SLC7A2: variants seen among roughly 807,000 people sequenced by gnomAD.
SLC7A2 encodes cationic amino acid transporter 2.
In SLC7A2, 48 loss-of-function variants were observed where a neutral mutation model predicts 58.9. The ratio of observed to expected loss-of-function variants is 0.82; its 90% CI spans 0.65 to 1.04. SLC7A2 has a LOEUF of 1.04. Ranked by LOEUF, SLC7A2 falls within the 50% of genes least tolerant of loss-of-function variation. SLC7A2 has a pLI of 0.00. For missense variants in SLC7A2, 1,029 were observed against 818.8 expected, an observed-to-expected ratio of 1.26 and a Z score of -3.13; for synonymous variants, 363 against 314.5, an observed-to-expected ratio of 1.15 and a Z score of -1.63.
intron 8 of SLC7A2, among the ~76,000 whole-genome samples, chr8:17,557,521 T>C (rs1305068006): frequency 6.6e-6 from 1 of 152,174 alleles, no homozygotes; most frequent in Non-Finnish European, 1.5e-5. Flanking sequence ...CTTTATTTTA[T>C]CAGAATTACT....
At chr8:17,547,786 GTGT>G (rs1802246042) in intron 4 of SLC7A2, among the ~76,000 whole-genome samples, 1 of 2,920 alleles carries the variant, frequency 3.4e-4, no homozygotes, top group African/African-American at 4.9e-4. Context: ...GCACAAAAGA[GTGT>G]GTGTGTGTGT....
chr8:17,563,772 C>A, intron 12 of SLC7A2, 61 bp downstream of exon 12: 1 of 908,510 alleles, frequency 1.1e-6, no homozygotes, highest in Non-Finnish European at 1.8e-6. Flanking sequence ...GAGAAACATG[C>A]CCTCTCCCCC....
intron 2 of SLC7A2, among the ~76,000 whole-genome samples, chr8:17,519,157 A>G (rs73666178): frequency 0.073 from 11,133 of 152,232 alleles, 1,408 homozygotes; most frequent in African/African-American, 0.25. Flanking sequence ...ACAAGCAGCT[A>G]GTACTTAACC....
chr8:17,497,003 G>C (rs1799976770), upstream of SLC7A2: 1 of 150,112 alleles, frequency 6.7e-6, no homozygotes, highest in Non-Finnish European at 1.5e-5. Context: ...CGCGTTCCGG[G>C]AGCGCGGAGG....
At chr8:17,553,722 G>A (rs569333913) in intron 7 of SLC7A2, among the ~76,000 whole-genome samples, 13 of 152,288 alleles carry the variant, frequency 8.5e-5, no homozygotes, top group African/African-American at 3.1e-4. Context: ...AGGGCACAGT[G>A]AGCTATGATC....
In SLC7A2 at chr8:17,517,596, A is replaced by G. The variant is rs985395117; in HGVS notation, c.-23+15294A>G. On this transcript the variant is annotated intron_variant, in intron 2 of 12. Transcript: ENST00000494857. ...TGTTGGAATTTTTAATACAGACTTA[A>G]GTCCTGATGCTTATCTAGTATCTTT... is the stretch of plus-strand genomic sequence containing the variant. Among the ~76,000 whole-genome samples, 7 of 151,566 alleles carry G rather than the reference A, an allele frequency of 4.6e-5. No individual in the cohort carries two copies. The Admixed American group carries it at 4.6e-4, about 10-fold the overall frequency.
At chr8:17,556,982 T>C (rs1013158684) in intron 8 of SLC7A2, among the ~76,000 whole-genome samples, 46 of 152,188 alleles carry the variant, frequency 3.0e-4, no homozygotes, top group African/African-American at 1.1e-3. Context: ...ATGGGGCTGT[T>C]GGATAAGGGG....
intron 6 of SLC7A2, among the ~76,000 whole-genome samples, chr8:17,551,312 T>C (rs188063068): frequency 4.5e-4 from 68 of 152,296 alleles, no homozygotes; most frequent in Non-Finnish European, 2.5e-4. Flanking sequence ...GTAAAACAGA[T>C]GGATCAGCTG....
chr8:17,524,354 C>T lies in SLC7A2; in HGVS notation c.-22-18964C>T, dbSNP rs533397091. The stretch of plus-strand genomic sequence containing the variant: ...CAATTGCAAAAATGTGGAATCAGCT[C>T]AAAAATCCCATCAATCAACAAGTAT... On this transcript the variant is annotated intron_variant, in intron 2 of 12. Transcript: ENST00000494857. Among the ~76,000 whole-genome samples the T allele has an allele frequency of 7.2e-5, 11 of 151,776 alleles. No individual in the cohort carries two copies. In the East Asian group the frequency reaches 2.1e-3, roughly 30 times the overall value.
At chr8:17,545,833 T>A (rs946232922) in intron 4 of SLC7A2, among the ~76,000 whole-genome samples, 14 of 152,192 alleles carry the variant, frequency 9.2e-5, no homozygotes, top group Non-Finnish European at 1.6e-4. Flanking sequence ...TGCTTTCTTG[T>A]CCGACCTTAT....
chr8:17,504,299 T>C lies in SLC7A2; in HGVS notation c.-23+1997T>C, dbSNP rs139818014. On this transcript the variant is annotated intron_variant, in intron 2 of 12. Coordinates refer to ENST00000494857, the MANE Select transcript of SLC7A2 (RefSeq NM_001370338.1). Reference sequence around the variant, plus strand: ...ATTGAGGCCGGTGGTAAATGAGATCTTGTGGCTCTCCTGGACCACTGGTCA... The same window carrying C: ...ATTGAGGCCGGTGGTAAATGAGATCCTGTGGCTCTCCTGGACCACTGGTCA... Among the ~76,000 whole-genome samples, 548 of 152,336 alleles carry C rather than the reference T, an allele frequency of 3.6e-3. 3 individuals are homozygous for C. The highest frequency in any genetic ancestry group is 0.013 in the African/African-American group (525 of 41,572).
intron 1 of SLC7A2, among the ~76,000 whole-genome samples, chr8:17,498,099 A>G (rs1019809420): frequency 6.6e-6 from 1 of 152,220 alleles, no homozygotes; most frequent in African/African-American, 2.4e-5. Flanking sequence ...TTCAAGAGAA[A>G]AAGTACTCAG....
At chr8:17,551,630 A>G (rs188320134) in intron 6 of SLC7A2, 134 bp from the exon 7 acceptor site, 1 of 689,036 alleles carries the variant, frequency 1.5e-6, no homozygotes, top group African/African-American at 1.8e-5. Flanking sequence ...AATAAAATAG[A>G]TGGACCAAGA....
chr8:17,520,059 T>A (rs998710574), intron 2 of SLC7A2, among the ~76,000 whole-genome samples: 3 of 152,178 alleles, frequency 2.0e-5, no homozygotes, highest in Non-Finnish European at 4.4e-5. Flanking sequence ...AAAGCTATAT[T>A]ATAGTTAGTT....
At chr8:17,522,381 A>G (rs931444032) in intron 2 of SLC7A2, among the ~76,000 whole-genome samples, 60 of 152,120 alleles carry the variant, frequency 3.9e-4, no homozygotes, top group African/African-American at 1.4e-3. Flanking sequence ...ATTCAAGATG[A>G]GATTTGGGTG....
In SLC7A2 at chr8:17,566,390, AG is replaced by A. The variant is rs1215305309; in HGVS notation, c.*1247del. ...GTTAAATGGCAAATGGCCCAATTTA[AG>A]GGCTTTGGATCTAATTTGCCTCTGA... On this transcript the variant is annotated 3_prime_UTR_variant, in exon 13 of 13. Coordinates refer to ENST00000494857, the MANE Select transcript of SLC7A2 (RefSeq NM_001370338.1). The A allele has an allele frequency of 6.6e-6, 1 of 152,184 alleles. No homozygotes were observed. Among genetic ancestry groups the A allele is most frequent in the African/African-American group, 2.4e-5 (1 of 41,462 alleles). 9.4% of individuals were successfully genotyped at this position (152,184 alleles called of 1,614,324 possible).
chr8:17,553,901 G>A lies in SLC7A2; in HGVS notation c.1056-659G>A, dbSNP rs143430678. Reference sequence around the variant, plus strand: ...GCAGCTAGTAAACAAAAGTACTTCCGAACATCTCAAGCAAAAACTGTCTTA... The same window carrying A: ...GCAGCTAGTAAACAAAAGTACTTCCAAACATCTCAAGCAAAAACTGTCTTA... On this transcript the variant is annotated intron_variant, in intron 7 of 12. Coordinates refer to ENST00000494857, the MANE Select transcript of SLC7A2 (RefSeq NM_001370338.1). Among the ~76,000 whole-genome samples the A allele has an allele frequency of 1.4e-3, 211 of 152,194 alleles. 3 individuals carry two copies. The East Asian group carries it at 0.037, about 27-fold the overall frequency.
At chr8:17,562,588 C>A (rs1252444234) in intron 11 of SLC7A2, among the ~76,000 whole-genome samples, 1 of 152,132 alleles carries the variant, frequency 6.6e-6, no homozygotes, top group Non-Finnish European at 1.5e-5. Flanking sequence ...ATCCACCTGC[C>A]TCAACAACTT....
Position 17,551,995 on chromosome 8 carries a change from C to T in SLC7A2, c.1055+9C>T. Reference sequence around the variant, plus strand: ...TGCGCCTTGTCAACAAGGTACATTGCATCGCCTTTGGGGCACGGGCTGTTT... The same window carrying T: ...TGCGCCTTGTCAACAAGGTACATTGTATCGCCTTTGGGGCACGGGCTGTTT... On this transcript the variant is annotated intron_variant, in intron 7 of 12. Coordinates refer to ENST00000494857, the MANE Select transcript of SLC7A2 (RefSeq NM_001370338.1). 1 of 1,612,224 alleles carries T rather than the reference C, an allele frequency of 6.2e-7. No homozygotes were observed. Among genetic ancestry groups the T allele is most frequent in the Non-Finnish European group, 8.5e-7 (1 of 1,178,356 alleles).
Sources: gnomAD v4.1 joint callset for allele counts (sites outside exome capture counted in the v4.1 genomes callset) on GRCh38, gnomAD v4.1.1 for gene constraint, MANE v1.5 for transcripts, NCBI Gene and HGNC (gene_info 2026-07-23, HGNC 2026-07-21) for gene names.